The following TCHP variants were observed in gnomAD, a reference collection of about 807,000 sequenced individuals.
The protein encoded by TCHP is trichoplein keratin filament-binding protein.
A neutral mutation model predicts 88.7 loss-of-function variants in TCHP; 81 were observed. The ratio of observed to expected loss-of-function variants is 0.91; its 90% CI spans 0.76 to 1.10. The LOEUF (loss-of-function observed/expected upper bound fraction) is 1.10. TCHP is among the 50% of genes least tolerant of loss of function. TCHP has a pLI of 0.00. For synonymous variants in TCHP, 232 were observed against 232.5 expected, an observed-to-expected ratio of 1.00 and a Z score of 0.02; for missense variants, 641 against 632.1, an observed-to-expected ratio of 1.01 and a Z score of -0.15.
In TCHP at chr12:109,915,586, C is replaced by A. The variant is rs374741866; in HGVS notation, c.1464+40C>A. ...AGGATATAGGCCAACACCGGCAAGACAGACTCTGCCCGGCCCCTGCTCCCC... is the reference window on the plus strand; with the variant it reads ...AGGATATAGGCCAACACCGGCAAGAAAGACTCTGCCCGGCCCCTGCTCCCC... On this transcript the variant is annotated intron_variant, in intron 12 of 12. Transcript: ENST00000405876. 1.8e-5 allele frequency: 29 copies of A among 1,573,854 alleles called. No homozygotes were observed. The African/African-American group carries it at 3.5e-4, about 19-fold the overall frequency.
chr12:109,908,475 GC>G, intron 6 of TCHP, 110 bp from the exon 7 acceptor site: 1 of 856,212 alleles, frequency 1.2e-6, no homozygotes, highest in South Asian at 1.6e-5. Context: ...CACCTGCATG[GC>G]CAGGCCTCTG....
intron 11 of TCHP, 76 bp from the exon 12 acceptor site, chr12:109,915,327 T>C: frequency 6.2e-7 from 1 of 1,608,054 alleles, no homozygotes; most frequent in Non-Finnish European, 8.5e-7. Flanking sequence ...GGCCGCAGGC[T>C]TACCTTCCTC....
Position 109,908,675 on chromosome 12 carries a change from C to T in TCHP, c.789C>T (p.Ala263=), listed in dbSNP as rs749134310. ...AGGAAGAGCGAAAGCAGATGGAAGC[C>T]TTCCGGCAGAAGGCAGAGCTGGGGT... ...RLEEERKQME[A]FRQKAELGRF... Residue 263 remains alanine, a synonymous_variant, in exon 7 of 13, where the codon GCC becomes GCT. Transcript: ENST00000405876. 246 of 1,597,644 alleles carry T rather than the reference C, an allele frequency of 1.5e-4. 1 individual carries two copies. Among genetic ancestry groups the T allele is most frequent in the Non-Finnish European group, 1.9e-4 (218 of 1,173,672 alleles).
intron 10 of TCHP, chr12:109,914,222 G>T (rs1870665581): frequency 2.4e-6 from 1 of 419,946 alleles, no homozygotes; most frequent in Non-Finnish European, 4.4e-6. Flanking sequence ...GATACATTTT[G>T]TGTGTCTTGG....
rs1313913649 is a variant in TCHP, at chr12:109,905,085, C to T, written c.456+292C>T. 3 of 422,658 alleles carry T rather than the reference C, an allele frequency of 7.1e-6. No individual in the cohort carries two copies. The highest frequency in any genetic ancestry group is 1.3e-5 in the Non-Finnish European group (3 of 232,494). The allele number at this position is 422,658 out of a possible 1,614,324, so 26.2% of individuals were successfully genotyped here. A position where few individuals can be genotyped will look rare whatever the true frequency, so the allele number is the denominator to read the frequency against. On this transcript the variant is annotated intron_variant, in intron 4 of 12. Transcript: ENST00000405876. This position sits in a 1 kb window ranked among gnomAD's most constrained non-coding sequence, Gnocchi z 4.0. Reference sequence around the variant, plus strand: ...TCCAGCATGGGAGCTCATTACAGGGCAGGATGCAGGGTGCTGGGCCAGCCT... The same window carrying T: ...TCCAGCATGGGAGCTCATTACAGGGTAGGATGCAGGGTGCTGGGCCAGCCT...
chr12:109,917,309 C>T lies in TCHP; in HGVS notation c.*686C>T, dbSNP rs1273007026. The T allele has an allele frequency of 1.3e-5, 2 of 152,188 alleles. No individual in the cohort carries two copies. Among genetic ancestry groups the T allele is most frequent in the Non-Finnish European group, 2.9e-5 (2 of 68,044 alleles). 9.4% of individuals were successfully genotyped at this position (152,188 alleles called of 1,614,324 possible). ...GTGACTGATCCCAACATGTATGTTA[C>T]TAAGCCCCAAAACGAACTTCAAACT... On this transcript the variant is annotated 3_prime_UTR_variant, in exon 13 of 13. Transcript: ENST00000405876.
At chr12:109,901,268 T>C (rs1195254198) in intron 1 of TCHP, among the ~76,000 whole-genome samples, 1 of 152,254 alleles carries the variant, frequency 6.6e-6, no homozygotes, top group African/African-American at 2.4e-5. Context: ...CAAATCACTT[T>C]GTAATGCTTA....
chr12:109,913,125 T>C (rs1870608641), intron 10 of TCHP, 53 bp downstream of exon 10: 1 of 1,536,212 alleles, frequency 6.5e-7, no homozygotes, highest in Non-Finnish European at 9.0e-7. Flanking sequence ...GGCAGGTGTC[T>C]GGAAGTCCAT....
At position 109,903,862 on chromosome 12, in the gene TCHP, T is replaced by C; in HGVS notation, c.189-75T>C. 7.9e-7 allele frequency: 1 copy of C among 1,266,034 alleles called. No individual in the cohort carries two copies. Among genetic ancestry groups the C allele is most frequent in the East Asian group, 2.5e-5 (1 of 39,652 alleles). The allele number at this position is 1,266,034 out of a possible 1,614,324, so 78.4% of individuals were successfully genotyped here. A position where few individuals can be genotyped will look rare whatever the true frequency, so the allele number is the denominator to read the frequency against. On this transcript the variant is annotated intron_variant, in intron 2 of 12. Coordinates refer to ENST00000405876, the MANE Select transcript of TCHP (RefSeq NM_001143852.2). The surrounding 1 kb of genome is among the most constrained non-coding windows in gnomAD (Gnocchi z 4.6). ...ATGACACATCTACCTCAGCCTCTTT[T>C]ACCGACACAGCAGAGCAGAGCACGT...
chr12:109,912,970 A>G, intron 9 of TCHP, 21 bp from the exon 10 acceptor site: 1 of 1,610,286 alleles, frequency 6.2e-7, no homozygotes, highest in Non-Finnish European at 8.5e-7. Context: ...GCCTGCTGTC[A>G]TCCCTTTTGT....
chr12:109,899,347 A>G (rs1869655250), upstream of TCHP, among the ~76,000 whole-genome samples: 1 of 152,212 alleles, frequency 6.6e-6, no homozygotes, highest in Non-Finnish European at 1.5e-5. Flanking sequence ...AGACTATAAT[A>G]GAAAGTTATC....
At chr12:109,913,568 G>A (rs113071381) in intron 10 of TCHP, among the ~76,000 whole-genome samples, 135 of 152,264 alleles carry the variant, frequency 8.9e-4, no homozygotes, top group Non-Finnish European at 1.6e-3. Context: ...CTTCCCACAC[G>A]TTTCCCCCCT....
At chr12:109,906,182 A>T (rs538440203) in intron 4 of TCHP, among the ~76,000 whole-genome samples, 1 of 152,284 alleles carries the variant, frequency 6.6e-6, no homozygotes, top group East Asian at 1.9e-4. Context: ...AACTTCGGGG[A>T]GCCAGGCACA....
rs747303086 is a variant in TCHP, at chr12:109,908,612, G to GA, written c.728dup (p.Asn243LysfsTer37). On this transcript the variant is annotated frameshift_variant, in exon 7 of 13. Coordinates refer to ENST00000405876, the MANE Select transcript of TCHP (RefSeq NM_001143852.2). LOFTEE classifies it high-confidence loss of function. ...CGACCAAACTAAAGAAGGAGCAGGA[G>GA]AATCTGTTGAAGCAGCGGTGGGAGC... The GA allele has an allele frequency of 1.2e-6, 2 of 1,602,116 alleles. No individual in the cohort carries two copies. The highest frequency in any genetic ancestry group is 3.5e-5 in the Admixed American group (2 of 57,076).
rs768571592 is a variant in TCHP at position 109,908,874 on chromosome 12, TTTC to T, written c.819_821del (p.Phe273del). The T allele has an allele frequency of 5.9e-5, 95 of 1,614,104 alleles. No homozygotes were observed. The highest frequency in any genetic ancestry group is 7.9e-5 in the Non-Finnish European group (93 of 1,180,046). On this transcript the variant is annotated inframe_deletion, in exon 8 of 13. Coordinates refer to ENST00000405876, the MANE Select transcript of TCHP (RefSeq NM_001143852.2). Reference sequence around the variant, plus strand: ...CCCACATTTGATTCTCCTTCAGGCGTTTCTTGAGACATCAGTATAACGCTCAAC... The same window carrying T: ...CCCACATTTGATTCTCCTTCAGGCGTTTGAGACATCAGTATAACGCTCAAC...
the TCHP span, among the ~76,000 whole-genome samples, chr12:109,885,478 G>GGTTTTTTTTT: frequency 8.5e-6 from 1 of 118,176 alleles, no homozygotes; most frequent in African/African-American, 3.3e-5. Context: ...AAATCTGATG[G>GGTTTTTTTTT]TTTTTTTTTT....
intron 10 of TCHP, among the ~76,000 whole-genome samples, chr12:109,913,654 T>C (rs1000717675): frequency 6.6e-6 from 1 of 152,186 alleles, no homozygotes; most frequent in African/African-American, 2.4e-5. Flanking sequence ...GTGGAAGATA[T>C]ACCCCAACCG....
At position 109,902,814 on chromosome 12, in the gene TCHP, A is replaced by ATGC. The variant is rs1869880362; in HGVS notation, c.1-210_1-208dup. Among the ~76,000 whole-genome samples, 10 of 152,194 alleles carry ATGC rather than the reference A, an allele frequency of 6.6e-5. No homozygotes were observed. In the South Asian group the frequency reaches 2.1e-3, roughly 31 times the overall value. On this transcript the variant is annotated intron_variant, in intron 1 of 12. Transcript: ENST00000405876. ...CACTAGTGGCAGATCATTTTAAAAA[A>ATGC]TGCTGGTGCCTGGGCCCTACTAAGT...
In TCHP at chr12:109,908,855, T is replaced by C; in HGVS notation, c.813-16T>C. On this transcript the variant is annotated splice_polypyrimidine_tract_variant and intron_variant, in intron 7 of 12. Transcript: ENST00000405876. ...TCTGAGATACTGAAGGCAGCCCACA[T>C]TTGATTCTCCTTCAGGCGTTTCTTG... 6.2e-7 allele frequency: 1 copy of C among 1,614,112 alleles called. No homozygotes were observed. Among genetic ancestry groups the C allele is most frequent in the Non-Finnish European group, 8.5e-7 (1 of 1,179,946 alleles).
Sources: allele counts gnomAD v4.1 joint callset (sites outside exome capture counted in the v4.1 genomes callset), GRCh38; gene constraint gnomAD v4.1.1; non-coding constraint Gnocchi (gnomAD v3.1); transcripts MANE v1.5; gene names NCBI Gene and HGNC (gene_info 2026-07-23, HGNC 2026-07-21).